Variants in TENT2 observed in about 807,000 individuals in gnomAD.
TENT2 encodes the protein poly(A) RNA polymerase GLD2.
A neutral mutation model predicts 72.2 loss-of-function variants in TENT2; 44 were observed. The ratio of observed to expected loss-of-function variants is 0.61; its 90% CI spans 0.48 to 0.78. TENT2 has a LOEUF of 0.78. Among genes scored for constraint, TENT2 ranks in the 30% least tolerant of loss-of-function variants. The probability of loss-of-function intolerance (pLI) is 0.00; values close to 1 mark genes in which losing one functional copy is unlikely to be tolerated. For synonymous variants in TENT2, 212 were observed against 192.5 expected, an observed-to-expected ratio of 1.10 and a Z score of -0.84; for missense variants, 541 against 569.6, an observed-to-expected ratio of 0.95 and a Z score of 0.51.
rs1826207614 is a variant in TENT2, at chr5:79,686,881, A to G, written c.*1608A>G. Among the ~76,000 whole-genome samples the G allele has an allele frequency of 6.6e-6, 1 of 152,176 alleles. No homozygotes were observed. Among genetic ancestry groups the G allele is most frequent in the African/African-American group, 2.4e-5 (1 of 41,450 alleles). On this transcript the variant is annotated 3_prime_UTR_variant, in exon 15 of 15. Coordinates refer to ENST00000453514, the MANE Select transcript of TENT2 (RefSeq NM_001114394.3). ...ATTTTGGGGGGGAATTTTTCCTAAAATTTACACTGTGCATCTCTTAATCAG... is the reference window on the plus strand; with the variant it reads ...ATTTTGGGGGGGAATTTTTCCTAAAGTTTACACTGTGCATCTCTTAATCAG...
rs751485638 is a variant in TENT2 at position 79,645,167 on chromosome 5, A to G, written c.796A>G (p.Ile266Val). Residue 266 changes from isoleucine to valine, a missense_variant, in exon 8 of 15, where the codon ATT becomes GTT. Physicochemically the swap from Ile to Val is conservative, Grantham distance 29. Transcript: ENST00000453514. ...TCAGCTGATTCGAGCAAAAGTGCCA[A>G]TTGTGAAGTTCAGGGATAAAGTCAG... ...RPQLIRAKVP[I>V]VKFRDKVSCV... is the part of the protein sequence containing the mutation. 5 of 1,608,992 alleles carry G rather than the reference A, an allele frequency of 3.1e-6. No homozygotes were observed. The highest frequency in any genetic ancestry group is 2.2e-5 in the East Asian group (1 of 44,606).
At chr5:79,654,876 A>G (rs985807857) in intron 10 of TENT2, among the ~76,000 whole-genome samples, 8 of 152,202 alleles carry the variant, frequency 5.3e-5, no homozygotes, top group East Asian at 3.8e-4. Context: ...TGGTACATCT[A>G]TATGGAAAGT....
At chr5:79,669,568 T>C (rs1811275792) in intron 12 of TENT2, among the ~76,000 whole-genome samples, 1 of 152,098 alleles carries the variant, frequency 6.6e-6, no homozygotes, top group Admixed American at 6.5e-5. Flanking sequence ...AGTTCTTATG[T>C]GAGTTCTAAG....
At chr5:79,680,098 C>T (rs1199623786) in intron 13 of TENT2, among the ~76,000 whole-genome samples, 1 of 152,074 alleles carries the variant, frequency 6.6e-6, no homozygotes, top group Non-Finnish European at 1.5e-5. Flanking sequence ...ATTTTCTTCT[C>T]TAAAATTAAT....
chr5:79,614,768 C>T (rs531716666), intron 1 of TENT2, among the ~76,000 whole-genome samples: 11 of 152,146 alleles, frequency 7.2e-5, no homozygotes, highest in Middle Eastern at 3.4e-3. Flanking sequence ...AATAGTTTTA[C>T]TGTATTTTGT....
Position 79,676,124 on chromosome 5 carries a change from T to G in TENT2, c.1209-3455T>G, listed in dbSNP as rs560764467. On this transcript the variant is annotated intron_variant, in intron 12 of 14. Transcript: ENST00000453514. ...ATTATATATATTTGTTCACTTAATTTTACTAGTATATATACATATATATAT... is the reference window on the plus strand; with the variant it reads ...ATTATATATATTTGTTCACTTAATTGTACTAGTATATATACATATATATAT... Among the ~76,000 whole-genome samples, 3 of 149,676 alleles carry G rather than the reference T, an allele frequency of 2.0e-5. No individual in the cohort carries two copies. In the South Asian group the frequency reaches 6.3e-4, roughly 31 times the overall value.
At chr5:79,635,536 C>T (rs936711914) in intron 4 of TENT2, among the ~76,000 whole-genome samples, 2 of 152,088 alleles carry the variant, frequency 1.3e-5, no homozygotes, top group Non-Finnish European at 2.9e-5. Flanking sequence ...AATATAATAA[C>T]ATTTCACTTG....
Position 79,686,243 on chromosome 5 carries a change from A to G in TENT2, c.*970A>G, listed in dbSNP as rs1825988431. ...CACCACAAAATGTTTTAGATAAGAC[A>G]CAATAAAATTATTATAAATAAAAGC... On this transcript the variant is annotated 3_prime_UTR_variant, in exon 15 of 15. Coordinates refer to ENST00000453514, the MANE Select transcript of TENT2 (RefSeq NM_001114394.3). 1 of 152,572 alleles carries G rather than the reference A, an allele frequency of 6.6e-6. No individual in the cohort carries two copies. The highest frequency in any genetic ancestry group is 1.5e-5 in the Non-Finnish European group (1 of 68,010). The allele number at this position is 152,572 out of a possible 1,614,324, so 9.5% of individuals were successfully genotyped here.
At chr5:79,666,546 C>T (rs1808200240) in intron 11 of TENT2, among the ~76,000 whole-genome samples, 2 of 151,806 alleles carry the variant, frequency 1.3e-5, no homozygotes, top group African/African-American at 2.4e-5. Context: ...TAGGCATCAC[C>T]ATGCCCAGCT....
chr5:79,649,539 T>A (rs568620633), intron 10 of TENT2, among the ~76,000 whole-genome samples: 1 of 152,218 alleles, frequency 6.6e-6, no homozygotes, highest in Admixed American at 6.5e-5. Flanking sequence ...ATTTTTAATT[T>A]TGAATTTGAG....
chr5:79,682,085 C>T, intron 14 of TENT2, 24 bp downstream of exon 14: 5 of 1,550,010 alleles, frequency 3.2e-6, no homozygotes, highest in Non-Finnish European at 4.4e-6. Context: ...TAGATCAACC[C>T]TAGAAACATT....
intron 1 of TENT2, among the ~76,000 whole-genome samples, chr5:79,616,953 T>C (rs150863197): frequency 7.6e-4 from 115 of 152,162 alleles, no homozygotes; most frequent in African/African-American, 2.7e-3. Flanking sequence ...TCTTATGGAA[T>C]TGAAAAAACA....
In TENT2 at chr5:79,686,461, T is replaced by C. The variant is rs1254289113; in HGVS notation, c.*1188T>C. On this transcript the variant is annotated 3_prime_UTR_variant, in exon 15 of 15. Coordinates refer to ENST00000453514, the MANE Select transcript of TENT2 (RefSeq NM_001114394.3). ...ACAGTTTTAACTTTTTCAAAAGAAC[T>C]ATGTCCAACATTTTTTAGACCTGCT... is the stretch of plus-strand genomic sequence containing the variant. 6.6e-6 allele frequency: 1 copy of C among 152,090 alleles called. No homozygotes were observed. The highest frequency in any genetic ancestry group is 1.9e-4 in the East Asian group (1 of 5,196). 9.4% of individuals were successfully genotyped at this position (152,090 alleles called of 1,614,324 possible).
In TENT2 at chr5:79,655,838, G is replaced by A. The variant is rs1454699297; in HGVS notation, c.1028-1120G>A. 2.6e-5 allele frequency among the ~76,000 whole-genome samples: 4 copies of A among 151,790 alleles called. No individual in the cohort carries two copies. In the South Asian group the frequency reaches 8.3e-4, roughly 31 times the overall value. On this transcript the variant is annotated intron_variant, in intron 10 of 14. Transcript: ENST00000453514. The stretch of plus-strand genomic sequence containing the variant: ...ATTTTATGCCAGTTTTCAACATGGG[G>A]ATGAAATGTGATACATAAAGGAAAT...
chr5:79,633,458 G>A (rs867312977), intron 4 of TENT2, among the ~76,000 whole-genome samples: 3,107 of 22,124 alleles, frequency 0.14, 135 homozygotes, highest in African/African-American at 0.33. Context: ...TTTTTTTTTT[G>A]AGACAGAGTT....
At chr5:79,634,710 A>G (rs552760240) in intron 4 of TENT2, among the ~76,000 whole-genome samples, 2 of 152,270 alleles carry the variant, frequency 1.3e-5, no homozygotes, top group Non-Finnish European at 2.9e-5. Flanking sequence ...AGACTAATTA[A>G]TTTTATAGTG....
At chr5:79,654,488 T>A (rs1341395641) in intron 10 of TENT2, among the ~76,000 whole-genome samples, 1 of 151,966 alleles carries the variant, frequency 6.6e-6, no homozygotes, top group Non-Finnish European at 1.5e-5. Flanking sequence ...ATAATAACAT[T>A]AATGAATATT....
Position 79,681,150 on chromosome 5 carries a change from A to ATTTTTTTT in TENT2, c.1301-811_1301-804dup, listed in dbSNP as rs1158559796. On this transcript the variant is annotated intron_variant, in intron 13 of 14. Coordinates refer to ENST00000453514, the MANE Select transcript of TENT2 (RefSeq NM_001114394.3). ...AGTTACTTCTTTTTTCTTTTCTTTG[A>ATTTTTTTT]TTTTTTTTTTTTTTTTTTTTTTTTT... is the stretch of plus-strand genomic sequence containing the variant. Among the ~76,000 whole-genome samples the ATTTTTTTT allele has an allele frequency of 2.9e-3, 130 of 44,758 alleles. 8 individuals carry two copies. Among genetic ancestry groups the ATTTTTTTT allele is most frequent in the East Asian group, 5.3e-3 (7 of 1,326 alleles). The allele number at this position is 44,758 out of a possible 152,430, so 29.4% of individuals were successfully genotyped here. A position where few individuals can be genotyped will look rare whatever the true frequency, so the allele number is the denominator to read the frequency against.
intron 10 of TENT2, among the ~76,000 whole-genome samples, chr5:79,655,744 G>C (rs6875078): frequency 0.2 from 30,557 of 150,806 alleles, 4,544 homozygotes; most frequent in African/African-American, 0.42. Context: ...AGTAATGATT[G>C]AGTTTTTTTT....
Sources: gnomAD v4.1 joint callset for allele counts (sites outside exome capture counted in the v4.1 genomes callset) on GRCh38, gnomAD v4.1.1 for gene constraint, MANE v1.5 for transcripts, NCBI Gene and HGNC (gene_info 2026-07-23, HGNC 2026-07-21) for gene names.